The following CD46 variants were observed in gnomAD, a reference collection of about 807,000 sequenced individuals.
The protein encoded by CD46 is membrane cofactor protein.
A neutral mutation model predicts 53.3 loss-of-function variants in CD46; 30 were observed. The ratio of observed to expected loss-of-function variants is 0.56; its 90% CI spans 0.42 to 0.76. CD46 has a LOEUF of 0.76. Ranked by LOEUF, CD46 falls within the 30% of genes least tolerant of loss-of-function variation. The probability of loss-of-function intolerance (pLI) is 0.00; values close to 1 mark genes in which losing one functional copy is unlikely to be tolerated. For synonymous variants in CD46, 142 were observed against 152.0 expected (o/e 0.93, Z 0.48); for missense variants, 409 against 463.0 (o/e 0.88, Z 1.07).
intron 8 of CD46, among the ~76,000 whole-genome samples, chr1:207,773,373 G>GT (rs1160920657): frequency 4.6e-5 from 7 of 152,126 alleles, no homozygotes; most frequent in Non-Finnish European, 1.0e-4. Flanking sequence ...TTTTTGAAGG[G>GT]TTTTTTATAT....
At chr1:207,770,139 C>T (rs951265771) in intron 7 of CD46, 182 bp from the exon 8 acceptor site, 12 of 598,612 alleles carry the variant, frequency 2.0e-5, no homozygotes, top group African/African-American at 1.5e-4. Flanking sequence ...CATTCTTGTA[C>T]ATACATCTTA....
rs1654952811 is a variant in CD46, at chr1:207,752,062, G to A, written c.-151G>A. On this transcript the variant is annotated 5_prime_UTR_variant, in exon 1 of 13. Transcript: ENST00000367042. This position sits in a 1 kb window ranked among gnomAD's most constrained non-coding sequence, Gnocchi z 4.1. ...GCACTTCCGCCCCGGGCGCGGCTCG[G>A]GCCACGCCCACCTGTCCTGCAGCAC... 2 of 834,480 alleles carry A rather than the reference G, an allele frequency of 2.4e-6. No homozygotes were observed. The highest frequency in any genetic ancestry group is 4.9e-5 in the East Asian group (2 of 41,204). 51.7% of individuals were successfully genotyped at this position (834,480 alleles called of 1,614,324 possible). A position where few individuals can be genotyped will look rare whatever the true frequency, so the allele number is the denominator to read the frequency against.
At chr1:207,778,137 GT>G (rs1553253472) in intron 8 of CD46, among the ~76,000 whole-genome samples, 3 of 152,042 alleles carry the variant, frequency 2.0e-5, no homozygotes, top group Non-Finnish European at 4.4e-5. Context: ...TAATGGAGTT[GT>G]TTTTCTCTTG....
chr1:207,755,774 G>A (rs1364827481), intron 1 of CD46, among the ~76,000 whole-genome samples: 2 of 152,230 alleles, frequency 1.3e-5, no homozygotes, highest in East Asian at 3.8e-4. Context: ...GAGATAGGCA[G>A]CACAAGAAAT....
In CD46 at chr1:207,757,087, T is replaced by G. The variant is rs770521064; in HGVS notation, c.171T>G (p.Gly57=). ...IGKPKPYYEI[G]ERVDYKCKKG... is the part of the protein sequence containing the mutation. ...AACCAAAACCCTACTATGAGATTGG[T>G]GAACGAGTAGATTATAAGTGTAAAA... The change falls in exon 2 of 13, where the codon GGT becomes GGG. Residue 57 remains glycine, a synonymous_variant. Transcript: ENST00000367042. 6.2e-7 allele frequency: 1 copy of G among 1,614,060 alleles called. No individual in the cohort carries two copies. Among genetic ancestry groups the G allele is most frequent in the East Asian group, 2.2e-5 (1 of 44,876 alleles).
intron 1 of CD46, among the ~76,000 whole-genome samples, chr1:207,753,548 G>A (rs1035258167): frequency 6.6e-6 from 1 of 152,110 alleles, no homozygotes; most frequent in African/African-American, 2.4e-5. Flanking sequence ...GTTTATGCCC[G>A]TGGTCCCAGC....
intron 3 of CD46, among the ~76,000 whole-genome samples, chr1:207,758,325 G>A (rs756911686): frequency 6.6e-6 from 1 of 152,222 alleles, no homozygotes; most frequent in Non-Finnish European, 1.5e-5. Context: ...TATTTCTGGA[G>A]GCTGGAGAGT....
chr1:207,783,208 CTA>C, intron 8 of CD46, 82 bp from the exon 9 acceptor site: 1 of 730,840 alleles, frequency 1.4e-6, no homozygotes, highest in Non-Finnish European at 2.4e-6. Context: ...AAAAATCACC[CTA>C]TGAGTTTAAA....
chr1:207,793,794 A>C lies in CD46; in HGVS notation c.*317A>C. The C allele has an allele frequency of 1.6e-6, 1 of 632,208 alleles. No homozygotes were observed. Among genetic ancestry groups the C allele is most frequent in the Non-Finnish European group, 2.9e-6 (1 of 343,322 alleles). 39.2% of individuals were successfully genotyped at this position (632,208 alleles called of 1,614,324 possible). On this transcript the variant is annotated 3_prime_UTR_variant, in exon 13 of 13. Transcript: ENST00000367042. ...TGAACAGATTGCCTGCTTTCCCTTA[A>C]ATAACACTTAGATTTATTGGACCAG...
chr1:207,767,053 G>A lies in CD46; in HGVS notation c.714G>A (p.Gln238=), dbSNP rs768898926. ...CRFPVVENGK[Q]ISGFGKKFYY... is the part of the protein sequence containing the mutation. ...TTCCAGTAGTCGAAAATGGAAAACA[G>A]ATATCAGGATTTGGAAAAAAATTTT... Residue 238 remains glutamine, a synonymous_variant, in exon 6 of 13, where the codon CAG becomes CAA. Transcript: ENST00000367042. 5.0e-6 allele frequency: 8 copies of A among 1,613,750 alleles called. No individual in the cohort carries two copies. In the South Asian group the frequency reaches 8.8e-5, roughly 18 times the overall value.
chr1:207,753,569 G>A (rs1395197886), intron 1 of CD46, among the ~76,000 whole-genome samples: 1 of 152,152 alleles, frequency 6.6e-6, no homozygotes, highest in East Asian at 1.9e-4. Flanking sequence ...TACTCTGGGG[G>A]CCGAGGTAGG....
intron 8 of CD46, among the ~76,000 whole-genome samples, chr1:207,772,863 C>G (rs1293378276): frequency 1.3e-5 from 2 of 152,030 alleles, no homozygotes; most frequent in Admixed American, 1.3e-4. Context: ...AAAATTATCT[C>G]TTTTTGTTGC....
At chr1:207,766,156 G>T (rs1656821352) in intron 5 of CD46, among the ~76,000 whole-genome samples, 3 of 152,250 alleles carry the variant, frequency 2.0e-5, no homozygotes, top group Admixed American at 2.0e-4. Context: ...GGGAAGAGGG[G>T]TAACTCACAA....
At chr1:207,776,458 C>T (rs1658115658) in intron 8 of CD46, among the ~76,000 whole-genome samples, 1 of 152,222 alleles carries the variant, frequency 6.6e-6, no homozygotes, top group Non-Finnish European at 1.5e-5. Context: ...TGGAGCTGCA[C>T]ACCAGAGCTG....
chr1:207,764,085 A>G (rs920737856), intron 5 of CD46, among the ~76,000 whole-genome samples: 3 of 152,076 alleles, frequency 2.0e-5, no homozygotes, highest in East Asian at 1.9e-4. Flanking sequence ...ATCTTTGGAA[A>G]TCACAGGCAC....
chr1:207,762,114 CAA>C (rs1411118661), intron 5 of CD46, among the ~76,000 whole-genome samples: 1 of 152,128 alleles, frequency 6.6e-6, no homozygotes, highest in Admixed American at 6.5e-5. Flanking sequence ...AAATCAATAA[CAA>C]AGCCAATCCC....
intron 11 of CD46, 36 bp downstream of exon 11, chr1:207,785,718 C>T: frequency 7.6e-7 from 1 of 1,308,196 alleles, no homozygotes; most frequent in Non-Finnish European, 1.1e-6. Context: ...CTTCTTGGTC[C>T]TTCTTATACT....
Position 207,785,094 on chromosome 1 carries a change from G to C in CD46, c.1006G>C (p.Val336Leu). ...AGATGTTTGGGTCATTGCTGTGATT[G>C]TTATTGCCATAGGTAAGTATCACAA... ...SLDVWVIAVI[V>L]IAIVVGVAVI... Residue 336 changes from valine to leucine, a missense_variant, in exon 10 of 13, where the codon GTT (valine) becomes CTT (leucine). Val to Leu is a conservative substitution (Grantham distance 32). Transcript: ENST00000367042. 3 of 1,612,748 alleles carry C rather than the reference G, an allele frequency of 1.9e-6. No individual in the cohort carries two copies. Among genetic ancestry groups the C allele is most frequent in the Non-Finnish European group, 2.5e-6 (3 of 1,178,868 alleles).
At chr1:207,760,919 C>T (rs1656114971) in intron 4 of CD46, 2 of 336,896 alleles carry the variant, frequency 5.9e-6, no homozygotes, top group Admixed American at 4.4e-5. Flanking sequence ...AGAAATCCAC[C>T]CCCATGATTC....
Sources: allele counts gnomAD v4.1 joint callset (sites outside exome capture counted in the v4.1 genomes callset), GRCh38; gene constraint gnomAD v4.1.1; non-coding constraint Gnocchi (gnomAD v3.1); transcripts MANE v1.5; gene names NCBI Gene and HGNC (gene_info 2026-07-23, HGNC 2026-07-21).